ATRX: variants seen among roughly 807,000 people sequenced by gnomAD.
ATRX encodes the protein chromatin remodeler ATRX.
In ATRX, 12 loss-of-function variants were observed where a neutral mutation model predicts 172.6. That is an observed-to-expected ratio of 0.07 (90% CI 0.04 to 0.11). The LOEUF (loss-of-function observed/expected upper bound fraction) is 0.11. ATRX is among the 10% of genes least tolerant of loss of function. ATRX has a pLI of 1.00. For synonymous variants in ATRX, 674 were observed against 594.7 expected (o/e 1.13, Z -1.94); for missense variants, 1,368 against 1,767.4 (o/e 0.77, Z 4.05).
At chrX:77,736,959 A>G (rs912965032) in intron 1 of ATRX, among the ~76,000 whole-genome samples, 3 of 111,859 alleles carry the variant, frequency 2.7e-5, no homozygotes, top group African/African-American at 9.7e-5. Context: ...TAAGTGAAAT[A>G]AGCCAGGCAC....
chrX:77,597,355 G>A (rs1397201772), intron 25 of ATRX, among the ~76,000 whole-genome samples: 1 of 109,891 alleles, frequency 9.1e-6, no homozygotes, highest in African/African-American at 3.3e-5. Flanking sequence ...AAGAATTTAT[G>A]ACTAATTCCT....
Position 77,783,441 on chromosome X carries a change from T to C in ATRX, c.20+2541A>G, listed in dbSNP as rs968195448. Among the ~76,000 whole-genome samples, 4 of 111,504 alleles carry C rather than the reference T, an allele frequency of 3.6e-5. No individual in the cohort carries two copies. In the Admixed American group the frequency reaches 3.8e-4, roughly 11 times the overall value. On this transcript the variant is annotated intron_variant, in intron 1 of 34. Coordinates refer to ENST00000373344, the MANE Select transcript of ATRX (RefSeq NM_000489.6). ...ACTGAGCCACTGATTAGTCAGTGTA[T>C]GTTTTAGCCAGGTCATCGGTTTATT...
intron 21 of ATRX, among the ~76,000 whole-genome samples, chrX:77,617,928 A>T (rs1277871224): frequency 9.0e-6 from 1 of 110,623 alleles, no homozygotes; most frequent in Non-Finnish European, 1.9e-5. Flanking sequence ...TCTGTCACCC[A>T]GCCTGGAGTG....
Position 77,574,131 on chromosome X carries a change from C to T in ATRX, c.6326+119G>A, listed in dbSNP as rs1602606259. Reference sequence around the variant, plus strand: ...AGGGAGTGATGACACTGTTTTGCAACCTGACTGTACCTTGCATTTGCTAAA... The same window carrying T: ...AGGGAGTGATGACACTGTTTTGCAATCTGACTGTACCTTGCATTTGCTAAA... On this transcript the variant is annotated intron_variant, in intron 28 of 34. Transcript: ENST00000373344. The T allele has an allele frequency of 1.4e-5, 7 of 485,236 alleles. No homozygotes were observed. The East Asian group carries it at 2.7e-4, about 19-fold the overall frequency. The allele number at this position is 485,236 out of a possible 1,213,427, so 40.0% of individuals were successfully genotyped here.
intron 1 of ATRX, among the ~76,000 whole-genome samples, chrX:77,776,312 ATAAC>A (rs1202936889): frequency 9.0e-6 from 1 of 110,934 alleles, no homozygotes; most frequent in Non-Finnish European, 1.9e-5. Context: ...GTAATCAGTA[ATAAC>A]TAATATTTGA....
intron 5 of ATRX, 79 bp from the exon 6 acceptor site, chrX:77,694,016 CA>C: frequency 1.3e-6 from 1 of 766,647 alleles, no homozygotes; most frequent in African/African-American, 2.0e-5. Context: ...CAGATAAAGC[CA>C]ACATTGCTGG....
chrX:77,702,336 G>A (rs375590793), intron 2 of ATRX, among the ~76,000 whole-genome samples: 6 of 111,683 alleles, frequency 5.4e-5, no homozygotes, highest in African/African-American at 6.5e-5. Context: ...CCAGCTACTC[G>A]GTAAGCCGAG....
chrX:77,643,236 GAGA>G (rs2068745138), intron 15 of ATRX, among the ~76,000 whole-genome samples: 1 of 110,325 alleles, frequency 9.1e-6, no homozygotes, highest in African/African-American at 3.3e-5. Flanking sequence ...GAGCTCTGGT[GAGA>G]AGGACAACAA....
intron 2 of ATRX, among the ~76,000 whole-genome samples, chrX:77,712,484 A>G (rs782301607): frequency 2.0e-4 from 23 of 112,256 alleles, no homozygotes; most frequent in African/African-American, 6.5e-4. Flanking sequence ...ATGGTTAACA[A>G]CTCTGAAACT....
At chrX:77,713,263 T>C (rs902545423) in intron 2 of ATRX, among the ~76,000 whole-genome samples, 2 of 111,942 alleles carry the variant, frequency 1.8e-5, no homozygotes, top group Non-Finnish European at 3.8e-5. Flanking sequence ...AAGACTGGAA[T>C]TGAATTAAAA....
intron 1 of ATRX, among the ~76,000 whole-genome samples, chrX:77,766,529 T>C (rs2148927788): frequency 2.0e-5 from 2 of 99,579 alleles, no homozygotes; most frequent in Admixed American, 2.1e-4. Context: ...GAGACGCTCC[T>C]CACCTCCCAG....
At chrX:77,591,539 T>C (rs890466702) in intron 26 of ATRX, among the ~76,000 whole-genome samples, 2 of 112,051 alleles carry the variant, frequency 1.8e-5, no homozygotes, top group Admixed American at 9.5e-5. Context: ...CTGAAAACAA[T>C]TGAAGCTATG....
intron 1 of ATRX, among the ~76,000 whole-genome samples, chrX:77,746,127 A>T (rs928243178): frequency 9.0e-5 from 10 of 111,262 alleles, no homozygotes; most frequent in African/African-American, 3.3e-4. Context: ...ATGGAATGAT[A>T]GATAACAGAC....
chrX:77,740,518 A>G (rs1038691029), intron 1 of ATRX, among the ~76,000 whole-genome samples: 17 of 110,726 alleles, frequency 1.5e-4, no homozygotes, highest in African/African-American at 5.2e-4. Flanking sequence ...ATATGCTCAC[A>G]CCATTATCTA....
chrX:77,572,664 T>C (rs886913894), intron 28 of ATRX, among the ~76,000 whole-genome samples: 2 of 111,887 alleles, frequency 1.8e-5, no homozygotes, highest in African/African-American at 3.2e-5. Context: ...TTTGAGAAAT[T>C]TGAGTTACTC....
intron 1 of ATRX, among the ~76,000 whole-genome samples, chrX:77,784,672 C>T (rs1212119934): frequency 9.0e-5 from 10 of 111,486 alleles, no homozygotes; most frequent in African/African-American, 3.3e-4. Flanking sequence ...CAATCGTGTA[C>T]ACAACTAGAG....
intron 32 of ATRX, 84 bp downstream of exon 32, chrX:77,522,179 T>G: frequency 8.7e-7 from 1 of 1,147,892 alleles, no homozygotes; most frequent in African/African-American, 1.8e-5. Flanking sequence ...GAATGTGATA[T>G]TTCTGCATAG....
chrX:77,549,853 C>T (rs1557055014), intron 30 of ATRX, among the ~76,000 whole-genome samples: 2 of 112,130 alleles, frequency 1.8e-5, no homozygotes, highest in African/African-American at 6.5e-5. Flanking sequence ...GGCATAGTGG[C>T]TCATGCCTGT....
intron 1 of ATRX, among the ~76,000 whole-genome samples, chrX:77,737,109 AAC>A (rs1483251273): frequency 2.7e-5 from 3 of 110,639 alleles, no homozygotes; most frequent in African/African-American, 9.8e-5. Flanking sequence ...CAAAAAAAAA[AAC>A]AGTTGGAAAG....
Sources: gnomAD v4.1 joint callset for allele counts (sites outside exome capture counted in the v4.1 genomes callset) on GRCh38, gnomAD v4.1.1 for gene constraint, MANE v1.5 for transcripts, NCBI Gene and HGNC (gene_info 2026-07-23, HGNC 2026-07-21) for gene names.